RUVBL2: variants seen among roughly 807,000 people sequenced by gnomAD.
RUVBL2 encodes RuvB like AAA ATPase 2.
Under a neutral mutation model 57.9 loss-of-function variants are expected in RUVBL2, and 9 were observed. The observed-to-expected ratio is 0.16, with a 90% CI of 0.09 to 0.27. RUVBL2 has a LOEUF of 0.27. Among genes scored for constraint, RUVBL2 ranks in the 10% least tolerant of loss-of-function variants. The probability of loss-of-function intolerance (pLI) is 1.00; values close to 1 mark genes in which losing one functional copy is unlikely to be tolerated. For synonymous variants in RUVBL2, 278 were observed against 264.6 expected, an observed-to-expected ratio of 1.05 and a Z score of -0.49; for missense variants, 456 against 669.6, an observed-to-expected ratio of 0.68 and a Z score of 3.52.
intron 11 of RUVBL2, among the ~76,000 whole-genome samples, chr19:49,013,757 A>T (rs1310437751): frequency 6.6e-6 from 1 of 152,178 alleles, no homozygotes; most frequent in Non-Finnish European, 1.5e-5. Flanking sequence ...TATTAAAAAT[A>T]GAAAAAACTA....
upstream of RUVBL2, chr19:48,993,494 T>G (rs2038984289): frequency 2.3e-6 from 1 of 425,570 alleles, no homozygotes; most frequent in South Asian, 2.2e-5. Flanking sequence ...GGGCGGAGCT[T>G]GCCGCTGCGC....
At chr19:49,003,440 C>A in intron 3 of RUVBL2, 106 bp downstream of exon 3, 1 of 1,017,602 alleles carries the variant, frequency 9.8e-7, no homozygotes, top group Non-Finnish European at 1.5e-6. Flanking sequence ...TCTTCTGGAC[C>A]TTTGGCTACA....
intron 2 of RUVBL2, among the ~76,000 whole-genome samples, chr19:49,002,329 C>T (rs1010134119): frequency 2.0e-5 from 3 of 151,960 alleles, no homozygotes; most frequent in Admixed American, 6.6e-5. Context: ...GGATTATAAG[C>T]GTGAGCCACC....
chr19:49,003,027 A>G (rs2039214356), intron 2 of RUVBL2, among the ~76,000 whole-genome samples: 1 of 152,202 alleles, frequency 6.6e-6, no homozygotes, highest in Middle Eastern at 3.2e-3. Flanking sequence ...ATCAGGCCTC[A>G]GTGACTTTTG....
rs772183939 is a variant in RUVBL2, at chr19:49,010,007, A to T, written c.604A>T (p.Ile202Phe). ...VITIDKATGKISKLGRSFTRA... is the reference protein window; with the variant it reads ...VITIDKATGKFSKLGRSFTRA... ...CACCATCGACAAGGCGACGGGCAAG[A>T]TCTCCAAGCTGGGCCGCTCCTTCAC... Residue 202 changes from isoleucine to phenylalanine, a missense_variant, in exon 8 of 15, where the codon ATC becomes TTC. Coordinates refer to ENST00000595090, the MANE Select transcript of RUVBL2 (RefSeq NM_006666.3). The T allele has an allele frequency of 6.3e-7, 1 of 1,591,390 alleles. No individual in the cohort carries two copies. The highest frequency in any genetic ancestry group is 1.1e-5 in the South Asian group (1 of 88,200).
At chr19:49,015,255 G>C (rs1244284604) in intron 13 of RUVBL2, 105 bp downstream of exon 13, 3 of 1,470,828 alleles carry the variant, frequency 2.0e-6, no homozygotes, top group Non-Finnish European at 2.7e-6. Context: ...TACGTTTTCA[G>C]ACGCAGGGAA....
chr19:49,008,952 C>T (rs887405565), intron 6 of RUVBL2, among the ~76,000 whole-genome samples: 1 of 151,762 alleles, frequency 6.6e-6, no homozygotes, highest in Non-Finnish European at 1.5e-5. Context: ...GCACTCCAGC[C>T]TGGGCAACAA....
At chr19:48,999,458 G>A (rs887645000) in intron 2 of RUVBL2, 85 bp downstream of exon 2, 10 of 1,399,918 alleles carry the variant, frequency 7.1e-6, no homozygotes, top group Middle Eastern at 1.8e-4. Context: ...CCCCTAAGAT[G>A]GAGAGGGAGG....
chr19:49,000,571 T>C (rs1424067575), intron 2 of RUVBL2, among the ~76,000 whole-genome samples: 1 of 141,990 alleles, frequency 7.0e-6, no homozygotes, highest in African/African-American at 2.8e-5. Context: ...AATAAATAAA[T>C]AAAAGTGCCG....
intron 11 of RUVBL2, among the ~76,000 whole-genome samples, chr19:49,013,758 G>T (rs763745694): frequency 6.6e-6 from 1 of 152,110 alleles, no homozygotes; most frequent in Non-Finnish European, 1.5e-5. Flanking sequence ...ATTAAAAATA[G>T]AAAAAACTAG....
rs11558797 is a variant in RUVBL2, at chr19:49,010,018, G to C, written c.615G>C (p.Leu205=). The C allele has an allele frequency of 6.3e-7, 1 of 1,591,184 alleles. No individual in the cohort carries two copies. Among genetic ancestry groups the C allele is most frequent in the African/African-American group, 1.3e-5 (1 of 74,510 alleles). Reference sequence around the variant, plus strand: ...AGGCGACGGGCAAGATCTCCAAGCTGGGCCGCTCCTTCACACGCGCCCGCG... The same window carrying C: ...AGGCGACGGGCAAGATCTCCAAGCTCGGCCGCTCCTTCACACGCGCCCGCG... ...IDKATGKISK[L]GRSFTRARDY... Residue 205 remains leucine, a synonymous_variant, in exon 8 of 15, where the codon CTG becomes CTC. Coordinates refer to ENST00000595090, the MANE Select transcript of RUVBL2 (RefSeq NM_006666.3).
At chr19:49,003,375 A>G in intron 3 of RUVBL2, 41 bp downstream of exon 3, 1 of 1,597,678 alleles carries the variant, frequency 6.3e-7, no homozygotes, top group Non-Finnish European at 8.6e-7. Context: ...CTCTCCATGA[A>G]GGTCTTGGGT....
In RUVBL2 at chr19:49,011,555, G is replaced by A. The variant is rs1015751902; in HGVS notation, c.1001+245G>A. On this transcript the variant is annotated intron_variant, in intron 11 of 14. Coordinates refer to ENST00000595090, the MANE Select transcript of RUVBL2 (RefSeq NM_006666.3). The surrounding 1 kb of genome is among the most constrained non-coding windows in gnomAD (Gnocchi z 4.4). ...CCCCCAAGGCTGCAGTCTTCAAACT[G>A]CGTGCCGAGGCACCCCAGGGTGCTG... Among the ~76,000 whole-genome samples, 1 of 152,236 alleles carries A rather than the reference G, an allele frequency of 6.6e-6. No individual in the cohort carries two copies. Among genetic ancestry groups the A allele is most frequent in the African/African-American group, 2.4e-5 (1 of 41,462 alleles).
At chr19:49,001,871 A>C (rs2039190543) in intron 2 of RUVBL2, among the ~76,000 whole-genome samples, 1 of 152,064 alleles carries the variant, frequency 6.6e-6, no homozygotes, top group Non-Finnish European at 1.5e-5. Context: ...CGGCCTCCCA[A>C]AATGCTGGGA....
At position 49,011,644 on chromosome 19, in the gene RUVBL2, T is replaced by A. The variant is rs947467228; in HGVS notation, c.1001+334T>A. ...CTTGAGGGAAGCACAGTGACATCTG[T>A]TAGACATAACATAAACTACGATTGT... is the stretch of plus-strand genomic sequence containing the variant. On this transcript the variant is annotated intron_variant, in intron 11 of 14. Coordinates refer to ENST00000595090, the MANE Select transcript of RUVBL2 (RefSeq NM_006666.3). The surrounding 1 kb of genome is among the most constrained non-coding windows in gnomAD (Gnocchi z 4.4). Among the ~76,000 whole-genome samples, 2 of 152,206 alleles carry A rather than the reference T, an allele frequency of 1.3e-5. No homozygotes were observed. Among genetic ancestry groups the A allele is most frequent in the Non-Finnish European group, 1.5e-5 (1 of 68,036 alleles).
chr19:48,999,216 G>A (rs1389503692), intron 1 of RUVBL2, 103 bp from the exon 2 acceptor site: 3 of 1,250,012 alleles, frequency 2.4e-6, no homozygotes, highest in African/African-American at 3.0e-5. Flanking sequence ...GCCTGCCTGT[G>A]AGGGGAAGGA....
rs937872293 is a variant in RUVBL2, at chr19:49,005,778, G to A, written c.266-1240G>A. Among the ~76,000 whole-genome samples the A allele has an allele frequency of 2.6e-5, 4 of 152,272 alleles. No homozygotes were observed. In the East Asian group the frequency reaches 7.7e-4, roughly 29 times the overall value. On this transcript the variant is annotated intron_variant, in intron 4 of 14. Transcript: ENST00000595090. ...AACCTCCCAAGTAGCTGGGATTACA[G>A]ATGTGTGCCACCACACCCAACTGAT...
chr19:48,996,062 C>T (rs536908469), intron 1 of RUVBL2, among the ~76,000 whole-genome samples: 58 of 150,420 alleles, frequency 3.9e-4, no homozygotes, highest in African/African-American at 1.4e-3. Context: ...GTCCCAACTA[C>T]TTGGGAGACT....
rs753125095 is a variant in RUVBL2 at position 49,015,006 on chromosome 19, C to T, written c.1122-15C>T. 4.4e-6 allele frequency: 7 copies of T among 1,587,398 alleles called. No homozygotes were observed. In the Admixed American group the frequency reaches 5.3e-5, roughly 12 times the overall value. ...GGGCCCCGGCTGAGCCACCCCTGTC[C>T]CCCACTGCTTGCAGGTGCGAGGAAG... is the stretch of plus-strand genomic sequence containing the variant. On this transcript the variant is annotated splice_polypyrimidine_tract_variant and intron_variant, in intron 12 of 14. Coordinates refer to ENST00000595090, the MANE Select transcript of RUVBL2 (RefSeq NM_006666.3).
Sources: allele counts gnomAD v4.1 joint callset (sites outside exome capture counted in the v4.1 genomes callset), GRCh38; gene constraint gnomAD v4.1.1; non-coding constraint Gnocchi (gnomAD v3.1); transcripts MANE v1.5; gene names NCBI Gene and HGNC (gene_info 2026-07-23, HGNC 2026-07-21).